XPNPEP3: variants seen among roughly 807,000 people sequenced by gnomAD.
The protein encoded by XPNPEP3 is xaa-Pro aminopeptidase 3.
A neutral mutation model predicts 60.0 loss-of-function variants in XPNPEP3; 41 were observed. The observed-to-expected ratio is 0.68, with a 90% CI of 0.53 to 0.89. The LOEUF is 0.89. XPNPEP3 is among the 40% of genes least tolerant of loss of function. XPNPEP3 has a pLI of 0.00. For missense variants in XPNPEP3, 598 were observed against 638.9 expected (o/e 0.94, Z 0.69); for synonymous variants, 212 against 223.2 (o/e 0.95, Z 0.45).
At chr22:40,926,188 A>T in intron 9 of XPNPEP3, 81 bp from the exon 10 acceptor site, 1 of 1,476,788 alleles carries the variant, frequency 6.8e-7, no homozygotes, top group South Asian at 1.1e-5. Context: ...AAGGAATTTT[A>T]ACCCAGAGGT....
At chr22:40,919,353 G>A (rs142231766) in intron 7 of XPNPEP3, among the ~76,000 whole-genome samples, 8 of 152,240 alleles carry the variant, frequency 5.3e-5, no homozygotes, top group African/African-American at 1.4e-4. Flanking sequence ...TCATGAGTTC[G>A]AGACCAGTCT....
rs2058150999 is a variant in XPNPEP3 at position 40,905,433 on chromosome 22, T to C, written c.793-2154T>C. Among the ~76,000 whole-genome samples, 2 of 152,172 alleles carry C rather than the reference T, an allele frequency of 1.3e-5. 1 individual carries two copies. The highest frequency in any genetic ancestry group is 4.8e-5 in the African/African-American group (2 of 41,448). On this transcript the variant is annotated intron_variant, in intron 4 of 9. Coordinates refer to ENST00000357137, the MANE Select transcript of XPNPEP3 (RefSeq NM_022098.4). ...CAGCAGATATTTACTGAACACCAAC[T>C]GTGTGCCAGGCACTGCTCTGGGTTC...
At position 40,931,636 on chromosome 22, in the gene XPNPEP3, CT is replaced by C. The variant is rs2058255061; in HGVS notation, c.*5203del. On this transcript the variant is annotated 3_prime_UTR_variant, in exon 10 of 10. Transcript: ENST00000357137. ...GGCTGAGGTGGGAGGATCGCTTGAG[CT>C]TAGGAGGTCAAGGCTGCAGTGAGCC... is the stretch of plus-strand genomic sequence containing the variant. 6.6e-6 allele frequency: 1 copy of C among 152,190 alleles called. No individual in the cohort carries two copies. The highest frequency in any genetic ancestry group is 2.4e-5 in the African/African-American group (1 of 41,426). 9.4% of individuals were successfully genotyped at this position (152,190 alleles called of 1,614,324 possible).
intron 2 of XPNPEP3, among the ~76,000 whole-genome samples, chr22:40,878,018 C>A (rs757359224): frequency 6.6e-6 from 1 of 152,010 alleles, no homozygotes; most frequent in African/African-American, 2.4e-5. Context: ...ACCAGCCTGA[C>A]CAACATGGTG....
intron 2 of XPNPEP3, among the ~76,000 whole-genome samples, chr22:40,869,703 C>A (rs1032208676): frequency 3.3e-5 from 5 of 152,064 alleles, no homozygotes; most frequent in Admixed American, 6.5e-5. Context: ...GCTATAAGAT[C>A]CCAGCGTTGC....
intron 7 of XPNPEP3, among the ~76,000 whole-genome samples, chr22:40,914,766 T>C (rs765983220): frequency 6.6e-6 from 1 of 151,972 alleles, no homozygotes; most frequent in Admixed American, 6.6e-5. Context: ...TTTTTTAAAA[T>C]ACAGAAGTAA....
intron 6 of XPNPEP3, among the ~76,000 whole-genome samples, chr22:40,913,630 G>A (rs2058184666): frequency 1.3e-5 from 2 of 151,562 alleles, no homozygotes; most frequent in South Asian, 2.1e-4. Context: ...TTTATGATGT[G>A]CTAATGTTTA....
At chr22:40,883,793 C>G (rs970614261) in intron 3 of XPNPEP3, among the ~76,000 whole-genome samples, 1 of 152,104 alleles carries the variant, frequency 6.6e-6, no homozygotes, top group African/African-American at 2.4e-5. Flanking sequence ...TATAAACTAT[C>G]TTTAGTAATT....
chr22:40,859,853 A>T (rs1331632048), intron 1 of XPNPEP3: 1 of 152,196 alleles, frequency 6.6e-6, no homozygotes, highest in Admixed American at 6.5e-5. Flanking sequence ...TTTTTCTCCC[A>T]ACATGACTAA....
At chr22:40,912,408 TTA>T in intron 6 of XPNPEP3, among the ~76,000 whole-genome samples, 1 of 152,256 alleles carries the variant, frequency 6.6e-6, no homozygotes, top group African/African-American at 2.4e-5. Context: ...GTTTCATAAG[TTA>T]TATGTTTCTA....
intron 4 of XPNPEP3, among the ~76,000 whole-genome samples, chr22:40,890,372 AC>A (rs933668285): frequency 1.3e-5 from 2 of 150,076 alleles, no homozygotes; most frequent in East Asian, 2.0e-4. Context: ...ACATGGAGAG[AC>A]CCCCCCATCT....
chr22:40,868,277 T>G (rs1368227103), intron 1 of XPNPEP3, among the ~76,000 whole-genome samples: 1 of 152,214 alleles, frequency 6.6e-6, no homozygotes, highest in African/African-American at 2.4e-5. Flanking sequence ...TAAAAAATGT[T>G]GATTATCTTT....
chr22:40,902,193 C>T (rs1046809362), intron 4 of XPNPEP3, among the ~76,000 whole-genome samples: 5 of 148,916 alleles, frequency 3.4e-5, no homozygotes, highest in Non-Finnish European at 7.4e-5. Context: ...CTGCCTCCTG[C>T]CTCAGCCTCC....
intron 7 of XPNPEP3, among the ~76,000 whole-genome samples, chr22:40,916,946 C>T (rs1377125881): frequency 6.6e-6 from 1 of 151,936 alleles, no homozygotes; most frequent in Non-Finnish European, 1.5e-5. Flanking sequence ...GGCGTGGTGG[C>T]ACATGCCTGT....
At chr22:40,885,441 A>G (rs1164704696) in intron 3 of XPNPEP3, among the ~76,000 whole-genome samples, 9 of 152,212 alleles carry the variant, frequency 5.9e-5, no homozygotes, top group Non-Finnish European at 1.2e-4. Context: ...ATTGTTTACA[A>G]AGAGAATGTA....
rs2058244936 is a variant in XPNPEP3, at chr22:40,928,915, G to T, written c.*2480G>T. On this transcript the variant is annotated 3_prime_UTR_variant, in exon 10 of 10. Coordinates refer to ENST00000357137, the MANE Select transcript of XPNPEP3 (RefSeq NM_022098.4). ...TCATATCCTGACAGTGCTAGCCTAG[G>T]AATGCCTGGCTTTGCGCACCTTATC... 6.6e-6 allele frequency: 1 copy of T among 152,152 alleles called. No homozygotes were observed. The allele number at this position is 152,152 out of a possible 1,614,324, so 9.4% of individuals were successfully genotyped here.
chr22:40,880,107 T>C (rs2146248497), intron 2 of XPNPEP3, among the ~76,000 whole-genome samples: 1 of 151,976 alleles, frequency 6.6e-6, no homozygotes, highest in Middle Eastern at 3.4e-3. Context: ...CAAAGATCTT[T>C]GACCAAGCCG....
At chr22:40,870,574 AC>A (rs1296949155) in intron 2 of XPNPEP3, among the ~76,000 whole-genome samples, 4 of 152,068 alleles carry the variant, frequency 2.6e-5, no homozygotes, top group African/African-American at 9.7e-5. Flanking sequence ...AGTATTTTAA[AC>A]CTCAAACTAT....
chr22:40,928,739 G>A lies in XPNPEP3; in HGVS notation c.*2304G>A, dbSNP rs2058244350. 1 of 151,804 alleles carries A rather than the reference G, an allele frequency of 6.6e-6. No individual in the cohort carries two copies. The highest frequency in any genetic ancestry group is 2.4e-5 in the African/African-American group (1 of 41,098). 9.4% of individuals were successfully genotyped at this position (151,804 alleles called of 1,614,324 possible). A position where few individuals can be genotyped will look rare whatever the true frequency, so the allele number is the denominator to read the frequency against. On this transcript the variant is annotated 3_prime_UTR_variant, in exon 10 of 10. Coordinates refer to ENST00000357137, the MANE Select transcript of XPNPEP3 (RefSeq NM_022098.4). ...TGAGGGTTTCTTAAAAAAACAATTT[G>A]TATTAGGGAAGCACAAGCTAGGGGA...
Sources: gnomAD v4.1 joint callset for allele counts (sites outside exome capture counted in the v4.1 genomes callset) on GRCh38, gnomAD v4.1.1 for gene constraint, MANE v1.5 for transcripts, NCBI Gene and HGNC (gene_info 2026-07-23, HGNC 2026-07-21) for gene names.